Variants in SUMF1 observed in about 807,000 individuals in gnomAD.
The protein encoded by SUMF1 is sulfatase modifying factor 1.
Under a neutral mutation model 47.6 loss-of-function variants are expected in SUMF1, and 48 were observed. The ratio of observed to expected loss-of-function variants is 1.01; its 90% CI spans 0.80 to 1.28. SUMF1 has a LOEUF of 1.28. Ranked by LOEUF, SUMF1 falls within the 50% of genes most tolerant of loss-of-function variation. The pLI, the probability that SUMF1 is intolerant of heterozygous loss-of-function variation, is 0.00. For missense variants in SUMF1, 571 were observed against 485.4 expected, an observed-to-expected ratio of 1.18 and a Z score of -1.66; for synonymous variants, 230 against 192.1, an observed-to-expected ratio of 1.20 and a Z score of -1.63.
intron 8 of SUMF1, among the ~76,000 whole-genome samples, chr3:4,162,436 C>A (rs1303646208): frequency 3.3e-5 from 5 of 152,238 alleles, no homozygotes; most frequent in East Asian, 1.9e-4. Context: ...TATTTAGGAA[C>A]CCAGAGCCCT....
chr3:4,466,706 A>C (rs578189913), intron 1 of SUMF1, among the ~76,000 whole-genome samples: 53 of 152,296 alleles, frequency 3.5e-4, no homozygotes, highest in African/African-American at 1.2e-3. Flanking sequence ...AAATTATGAG[A>C]TCCTCATTAA....
At chr3:4,439,681 T>G (rs963597491) in intron 3 of SUMF1, among the ~76,000 whole-genome samples, 1 of 151,690 alleles carries the variant, frequency 6.6e-6, no homozygotes, top group African/African-American at 2.4e-5. Context: ...AGTGGTCTCA[T>G]AAGAGAAAAA....
chr3:4,055,514 G>A (rs181606949), intron 9 of SUMF1, among the ~76,000 whole-genome samples: 54 of 151,784 alleles, frequency 3.6e-4, no homozygotes, highest in Non-Finnish European at 6.2e-4. Flanking sequence ...ACAGAGTCTC[G>A]CTCTGTCACT....
intron 7 of SUMF1, among the ~76,000 whole-genome samples, chr3:4,393,775 A>C (rs1050220672): frequency 6.6e-6 from 1 of 152,142 alleles, no homozygotes; most frequent in African/African-American, 2.4e-5. Context: ...CTCAAGAATC[A>C]ACACTTCTCA....
At chr3:4,098,000 T>C (rs577610876) in intron 8 of SUMF1, among the ~76,000 whole-genome samples, 10 of 152,282 alleles carry the variant, frequency 6.6e-5, no homozygotes, top group South Asian at 4.1e-4. Context: ...GCCATGATTT[T>C]TCAGGCCTTC....
chr3:4,338,434 T>G (rs572409143), intron 8 of SUMF1, among the ~76,000 whole-genome samples: 1 of 152,324 alleles, frequency 6.6e-6, no homozygotes, highest in East Asian at 1.9e-4. Context: ...TGACACCTTA[T>G]CAGCACTTTG....
intron 1 of SUMF1, among the ~76,000 whole-genome samples, chr3:4,456,487 T>A (rs1322363177): frequency 6.7e-6 from 1 of 148,502 alleles, no homozygotes; most frequent in African/African-American, 2.5e-5. Context: ...AGTCTTACTC[T>A]GTTGCCCAGG....
At chr3:4,049,205 C>T (rs1272466811) in intron 9 of SUMF1, among the ~76,000 whole-genome samples, 1 of 152,188 alleles carries the variant, frequency 6.6e-6, no homozygotes, top group African/African-American at 2.4e-5. Flanking sequence ...ATCATCCTAA[C>T]TCCAGGACCT....
intron 8 of SUMF1, among the ~76,000 whole-genome samples, chr3:4,261,267 C>T (rs1266615457): frequency 2.0e-5 from 3 of 152,120 alleles, no homozygotes; most frequent in African/African-American, 7.2e-5. Flanking sequence ...GGGAGAGAAA[C>T]ATTCAGTTTA....
chr3:4,254,872 G>A (rs916583397), intron 8 of SUMF1, among the ~76,000 whole-genome samples: 12 of 151,998 alleles, frequency 7.9e-5, no homozygotes, highest in East Asian at 1.9e-4. Flanking sequence ...GAGAAAGGTC[G>A]GGTTACCCTC....
chr3:4,047,050 C>T (rs1367857165), intron 9 of SUMF1, among the ~76,000 whole-genome samples: 2 of 152,030 alleles, frequency 1.3e-5, no homozygotes, highest in Admixed American at 1.3e-4. Context: ...CGTATTTCTG[C>T]CTTATGAACT....
At chr3:4,069,977 C>T (rs1357932168) in intron 8 of SUMF1, among the ~76,000 whole-genome samples, 2 of 152,114 alleles carry the variant, frequency 1.3e-5, no homozygotes, top group African/African-American at 4.8e-5. Flanking sequence ...TGATAAGAAA[C>T]ATACAACCTG....
intron 8 of SUMF1, among the ~76,000 whole-genome samples, chr3:4,289,755 C>G (rs985770939): frequency 2.6e-5 from 4 of 152,124 alleles, no homozygotes; most frequent in African/African-American, 4.8e-5. Flanking sequence ...AGCTAGAGCA[C>G]TCTGTAAACT....
chr3:4,269,145 G>A (rs376799280), intron 8 of SUMF1, among the ~76,000 whole-genome samples: 10 of 151,984 alleles, frequency 6.6e-5, no homozygotes, highest in African/African-American at 2.2e-4. Context: ...GATGTGTTTT[G>A]GCTGTCTTTT....
chr3:4,242,400 C>T (rs575686971), intron 8 of SUMF1, among the ~76,000 whole-genome samples: 120 of 152,196 alleles, frequency 7.9e-4, no homozygotes, highest in African/African-American at 2.6e-3. Flanking sequence ...CAGTATGATA[C>T]TGGCTGTGGG....
At chr3:4,148,512 C>T (rs1694245804) in intron 8 of SUMF1, among the ~76,000 whole-genome samples, 1 of 152,152 alleles carries the variant, frequency 6.6e-6, no homozygotes, top group Non-Finnish European at 1.5e-5. Context: ...TCTTATTCCC[C>T]TTCCTATCCC....
intron 8 of SUMF1, among the ~76,000 whole-genome samples, chr3:4,163,390 G>A (rs186447322): frequency 1.3e-3 from 27 of 20,222 alleles, no homozygotes; most frequent in East Asian, 0.011. Context: ...AAGGGAGGGA[G>A]GGAGGGAGGG....
At chr3:4,118,574 TTTATAC>T (rs778828204) in intron 8 of SUMF1, among the ~76,000 whole-genome samples, 9 of 152,162 alleles carry the variant, frequency 5.9e-5, no homozygotes, top group Non-Finnish European at 8.8e-5. Context: ...TCAAGTACTA[TTTATAC>T]TTATTGTATC....
intron 3 of SUMF1, among the ~76,000 whole-genome samples, chr3:4,437,876 T>C (rs975987486): frequency 6.6e-6 from 1 of 152,022 alleles, no homozygotes; most frequent in African/African-American, 2.4e-5. Context: ...GAGGCAGAGA[T>C]TGCAGTGAGC....
Sources: allele counts gnomAD v4.1 joint callset (sites outside exome capture counted in the v4.1 genomes callset), GRCh38; gene constraint gnomAD v4.1.1; transcripts MANE v1.5; gene names NCBI Gene and HGNC (gene_info 2026-07-23, HGNC 2026-07-21).